The following DENND5A variants were observed in gnomAD, a reference collection of about 807,000 sequenced individuals.
DENND5A encodes DENN domain containing 5A.
DENND5A carries 64 observed loss-of-function variants against 140.3 expected under a neutral mutation model. That is an observed-to-expected ratio of 0.46 (90% CI 0.37 to 0.56). The LOEUF (loss-of-function observed/expected upper bound fraction) is 0.56. Ranked by LOEUF, DENND5A falls within the 20% of genes least tolerant of loss-of-function variation. DENND5A has a pLI of 0.00. For missense variants in DENND5A, 1,292 were observed against 1,593.8 expected (o/e 0.81, Z 3.22); for synonymous variants, 605 against 607.7 (o/e 1.00, Z 0.07).
intron 8 of DENND5A, among the ~76,000 whole-genome samples, chr11:9,174,115 A>AAG (rs1332543571): frequency 9.6e-4 from 140 of 145,918 alleles, no homozygotes; most frequent in Non-Finnish European, 1.9e-3. Context: ...AAAAAAAAAA[A>AAG]AAAAAAAAAA....
At chr11:9,249,489 T>C (rs1851622441) in intron 1 of DENND5A, among the ~76,000 whole-genome samples, 1 of 152,150 alleles carries the variant, frequency 6.6e-6, no homozygotes, top group South Asian at 2.1e-4. Context: ...GCTCGTCCTC[T>C]GGAGCTGAGG....
Position 9,150,116 on chromosome 11 carries a change from GTGTCTGGAAAGTAACTTTTT to G in DENND5A, c.2680_2699del (p.Lys894ProfsTer9). ...CATGGTCTGAGAGGAGCTGCTTCAG[GTGTCTGGAAAGTAACTTTTT>G]TTCCATGGACAGTCGCACCCATGCT... On this transcript the variant is annotated frameshift_variant, in exon 15 of 23. Transcript: ENST00000328194. LOFTEE classifies it high-confidence loss of function. 1.2e-6 allele frequency: 2 copies of G among 1,613,922 alleles called. No homozygotes were observed. Among genetic ancestry groups the G allele is most frequent in the Non-Finnish European group, 1.7e-6 (2 of 1,179,874 alleles).
chr11:9,205,904 T>C (rs948044185), intron 3 of DENND5A, among the ~76,000 whole-genome samples: 29 of 152,178 alleles, frequency 1.9e-4, no homozygotes, highest in African/African-American at 6.5e-4. Flanking sequence ...TGTCTCAAAA[T>C]CAAATGTAAT....
intron 11 of DENND5A, among the ~76,000 whole-genome samples, chr11:9,164,056 GTTTTTT>G (rs768604681): frequency 0.028 from 1,603 of 58,012 alleles, 81 homozygotes; most frequent in African/African-American, 0.092. Context: ...TATTAATCAG[GTTTTTT>G]TTTTTTTTTT....
rs374749232 is a variant in DENND5A at position 9,247,155 on chromosome 11, G to A, written c.109+17806C>T. ...TGAAGCAGGAGAACGGCGTGAACCCGGGAGGCGGAGCTTGCAGTGAGCCGA... is the reference window on the plus strand; with the variant it reads ...TGAAGCAGGAGAACGGCGTGAACCCAGGAGGCGGAGCTTGCAGTGAGCCGA... On this transcript the variant is annotated intron_variant, in intron 1 of 22. Coordinates refer to ENST00000328194, the MANE Select transcript of DENND5A (RefSeq NM_015213.4). Among the ~76,000 whole-genome samples the A allele has an allele frequency of 2.2e-4, 34 of 152,016 alleles. No individual in the cohort carries two copies. The South Asian group carries it at 6.0e-3, about 27-fold the overall frequency.
At chr11:9,191,205 GGTTTCTTTTCT>G (rs1040276269) in intron 5 of DENND5A, among the ~76,000 whole-genome samples, 2 of 151,892 alleles carry the variant, frequency 1.3e-5, no homozygotes, top group African/African-American at 4.8e-5. Flanking sequence ...GGAACTTTTG[GGTTTCTTTTCT>G]GTTTTTTTTT....
At chr11:9,192,410 T>C (rs1173792190) in intron 5 of DENND5A, among the ~76,000 whole-genome samples, 2 of 152,058 alleles carry the variant, frequency 1.3e-5, no homozygotes, top group African/African-American at 2.4e-5. Context: ...GGGTGGATCA[T>C]GAGGTCAGGC....
rs779295508 is a variant in DENND5A, at chr11:9,142,722, C to T, written c.3511G>A (p.Glu1171Lys). 3 of 1,614,100 alleles carry T rather than the reference C, an allele frequency of 1.9e-6. No individual in the cohort carries two copies. In the South Asian group the frequency reaches 3.3e-5, roughly 18 times the overall value. ...ACCCTCATACTCCAGCTCAACTCAC[C>T]CAGGAAATCCCAAATGAAGACATTT... ...FKNVFIWDFLEKAQTYYETLE... is the reference protein window; with the variant it reads ...FKNVFIWDFLKKAQTYYETLE... The change falls in exon 21 of 23, where the codon GAA becomes AAA. Residue 1171 changes from glutamate (E) to lysine (K), a missense_variant and splice_region_variant. This residue lies in a region of DENND5A where 498 missense variants were observed against 689.7 expected (regional missense o/e 0.72). Coordinates refer to ENST00000328194, the MANE Select transcript of DENND5A (RefSeq NM_015213.4).
chr11:9,250,476 A>G (rs1304423209), intron 1 of DENND5A, among the ~76,000 whole-genome samples: 1 of 152,152 alleles, frequency 6.6e-6, no homozygotes, highest in African/African-American at 2.4e-5. Context: ...AAGAGGTCGC[A>G]CTACAGCTCT....
intron 1 of DENND5A, among the ~76,000 whole-genome samples, chr11:9,231,451 C>T (rs939216821): frequency 6.6e-6 from 1 of 151,674 alleles, no homozygotes; most frequent in African/African-American, 2.4e-5. Flanking sequence ...CGCGGTGGCT[C>T]ACGCCTGTAA....
At chr11:9,206,498 T>C (rs1311013834) in intron 3 of DENND5A, among the ~76,000 whole-genome samples, 175 bp downstream of exon 3, 1 of 152,224 alleles carries the variant, frequency 6.6e-6, no homozygotes, top group Non-Finnish European at 1.5e-5. Flanking sequence ...ATTTAATATA[T>C]TCTGAATATT....
chr11:9,166,239 C>G (rs372268448), intron 10 of DENND5A, among the ~76,000 whole-genome samples: 35 of 151,972 alleles, frequency 2.3e-4, no homozygotes, highest in African/African-American at 7.5e-4. Context: ...CCACCACGCC[C>G]GGCTAATTTT....
chr11:9,198,746 G>C (rs1168539964), intron 4 of DENND5A, among the ~76,000 whole-genome samples: 1 of 152,014 alleles, frequency 6.6e-6, no homozygotes, highest in Non-Finnish European at 1.5e-5. Context: ...CTTCGTCAAA[G>C]ATTAGTGACT....
intron 4 of DENND5A, among the ~76,000 whole-genome samples, chr11:9,194,894 T>C (rs1351824636): frequency 1.3e-5 from 2 of 151,016 alleles, no homozygotes; most frequent in Admixed American, 6.6e-5. Flanking sequence ...TAATTTTGTG[T>C]TTTTGGTAGA....
At chr11:9,243,743 G>C (rs1426034181) in intron 1 of DENND5A, among the ~76,000 whole-genome samples, 1 of 151,888 alleles carries the variant, frequency 6.6e-6, no homozygotes, top group African/African-American at 2.4e-5. Context: ...AAAATTAGCC[G>C]GGCGTGGTGG....
At position 9,139,192 on chromosome 11, in the gene DENND5A, C is replaced by G. The variant is rs1358825164; in HGVS notation, c.*479G>C. The G allele has an allele frequency of 1.3e-5, 2 of 153,860 alleles. No individual in the cohort carries two copies. The highest frequency in any genetic ancestry group is 2.9e-5 in the Non-Finnish European group (2 of 68,808). The allele number at this position is 153,860 out of a possible 1,614,324, so 9.5% of individuals were successfully genotyped here. On this transcript the variant is annotated 3_prime_UTR_variant, in exon 23 of 23. Coordinates refer to ENST00000328194, the MANE Select transcript of DENND5A (RefSeq NM_015213.4). Reference sequence around the variant, plus strand: ...TGCTTAGAGGCACTACTAAAAATCCCTTTGATTGGAGCATGGGGCTTCCCG... The same window carrying G: ...TGCTTAGAGGCACTACTAAAAATCCGTTTGATTGGAGCATGGGGCTTCCCG...
At chr11:9,229,850 A>C (rs924125804) in intron 1 of DENND5A, among the ~76,000 whole-genome samples, 2 of 151,672 alleles carry the variant, frequency 1.3e-5, no homozygotes, top group African/African-American at 4.8e-5. Context: ...TAAGCATAAA[A>C]ACAGTTTTCC....
chr11:9,229,871 G>A (rs1381780205), intron 1 of DENND5A, among the ~76,000 whole-genome samples: 1 of 147,746 alleles, frequency 6.8e-6, no homozygotes, highest in Non-Finnish European at 1.5e-5. Context: ...CTAGGTCTTT[G>A]GGTCTTCATT....
intron 11 of DENND5A, among the ~76,000 whole-genome samples, chr11:9,162,746 A>T (rs1326701875): frequency 1.3e-5 from 2 of 151,642 alleles, no homozygotes; most frequent in Non-Finnish European, 2.9e-5. Context: ...TGTTGCCTAG[A>T]CTGGAGTGCA....
Sources: allele counts gnomAD v4.1 joint callset (sites outside exome capture counted in the v4.1 genomes callset), GRCh38; gene constraint gnomAD v4.1.1; regional missense constraint gnomAD v4.1.1; transcripts MANE v1.5; gene names NCBI Gene and HGNC (gene_info 2026-07-23, HGNC 2026-07-21).